Variants in NKAIN3 observed in about 807,000 individuals in gnomAD.
NKAIN3 encodes the protein sodium/potassium-transporting ATPase subunit beta-1-interacting protein 3.
NKAIN3 carries 25 observed loss-of-function variants against 30.2 expected under a neutral mutation model. The observed-to-expected ratio is 0.83, with a 90% CI of 0.60 to 1.16. NKAIN3 has a LOEUF of 1.16. Ranked by LOEUF, NKAIN3 falls within the 50% of genes most tolerant of loss-of-function variation. The pLI is 0.00. For missense variants in NKAIN3, 225 were observed against 254.1 expected (o/e 0.89, Z 0.78); for synonymous variants, 91 against 89.6 (o/e 1.02, Z -0.09).
chr8:62,275,613 T>C (rs1451426502), intron 1 of NKAIN3, among the ~76,000 whole-genome samples: 1 of 152,198 alleles, frequency 6.6e-6, no homozygotes, highest in Non-Finnish European at 1.5e-5. Context: ...TTTAAGTGTG[T>C]GAAACATAGC....
At chr8:62,751,440 TTTTA>T (rs1470474056) in intron 4 of NKAIN3, among the ~76,000 whole-genome samples, 1 of 152,222 alleles carries the variant, frequency 6.6e-6, no homozygotes, top group Non-Finnish European at 1.5e-5. Context: ...TTTTACTCTT[TTTTA>T]TTTATTTTTG....
chr8:62,689,803 G>T (rs974246035), intron 3 of NKAIN3, among the ~76,000 whole-genome samples: 1 of 151,932 alleles, frequency 6.6e-6, no homozygotes, highest in Admixed American at 6.6e-5. Flanking sequence ...CAATCATCGA[G>T]TCAGATGAGT....
At chr8:62,856,812 C>T (rs1175944238) in intron 4 of NKAIN3, 2 of 620,856 alleles carry the variant, frequency 3.2e-6, no homozygotes, top group Admixed American at 2.4e-5. Context: ...CTTTGTCTTT[C>T]TCTGCACTAT....
intron 6 of NKAIN3, among the ~76,000 whole-genome samples, chr8:62,954,845 C>T (rs1265666375): frequency 1.3e-5 from 2 of 152,180 alleles, no homozygotes; most frequent in African/African-American, 4.8e-5. Context: ...TTCTCAAAGT[C>T]CCACTATTAG....
At chr8:62,340,664 G>A (rs1815711287) in intron 1 of NKAIN3, among the ~76,000 whole-genome samples, 1 of 151,996 alleles carries the variant, frequency 6.6e-6, no homozygotes, top group Non-Finnish European at 1.5e-5. Flanking sequence ...CAGAAGCCAG[G>A]ACATCAAGGG....
intron 1 of NKAIN3, among the ~76,000 whole-genome samples, chr8:62,571,431 G>A (rs1809934619): frequency 6.6e-6 from 1 of 152,108 alleles, no homozygotes; most frequent in Admixed American, 6.6e-5. Context: ...GCTTTCGTGG[G>A]CTAATGTTGA....
intron 4 of NKAIN3, among the ~76,000 whole-genome samples, chr8:62,917,717 T>G (rs1021446880): frequency 2.0e-5 from 3 of 152,208 alleles, no homozygotes; most frequent in African/African-American, 7.2e-5. Context: ...ATTGAAGTGC[T>G]TATAGTAAGT....
At chr8:62,250,329 A>G (rs1812061579) in intron 1 of NKAIN3, among the ~76,000 whole-genome samples, 1 of 152,160 alleles carries the variant, frequency 6.6e-6, no homozygotes, top group Admixed American at 6.5e-5. Context: ...ATGCATGCAT[A>G]ATTTATGTAT....
chr8:62,788,370 CT>C (rs1326976709), intron 4 of NKAIN3, among the ~76,000 whole-genome samples: 2 of 152,106 alleles, frequency 1.3e-5, no homozygotes, highest in Non-Finnish European at 2.9e-5. Flanking sequence ...CCTTCGCCCA[CT>C]TTTTGATGGG....
rs150659330 is a variant in NKAIN3 at position 62,763,677 on chromosome 8, G to A, written c.471+16548G>A. Among the ~76,000 whole-genome samples the A allele has an allele frequency of 3.1e-3, 477 of 152,304 alleles. 1 individual carries two copies. Among genetic ancestry groups the A allele is most frequent in the Middle Eastern group, 0.02 (6 of 294 alleles). ...AGCAGGGAACTGTGTTGTAAGGCTTGGCTATCATGGATTTTGAAGTCAATG... is the reference window on the plus strand; with the variant it reads ...AGCAGGGAACTGTGTTGTAAGGCTTAGCTATCATGGATTTTGAAGTCAATG... On this transcript the variant is annotated intron_variant, in intron 4 of 6. Coordinates refer to ENST00000623646, the MANE Select transcript of NKAIN3 (RefSeq NM_001304533.3).
chr8:62,620,445 G>T (rs924480586), intron 3 of NKAIN3, among the ~76,000 whole-genome samples: 4 of 151,986 alleles, frequency 2.6e-5, no homozygotes, highest in Non-Finnish European at 2.9e-5. Flanking sequence ...CCATATTTGG[G>T]GGTAGTGTGT....
chr8:62,681,695 A>G (rs1489851031), intron 3 of NKAIN3, among the ~76,000 whole-genome samples: 1 of 152,228 alleles, frequency 6.6e-6, no homozygotes, highest in Non-Finnish European at 1.5e-5. Flanking sequence ...CTAAAGGGAA[A>G]ATCATTCTAA....
intron 3 of NKAIN3, among the ~76,000 whole-genome samples, chr8:62,592,986 C>T (rs1810704310): frequency 6.6e-6 from 1 of 151,826 alleles, no homozygotes. Context: ...ATTGACAAAT[C>T]CATTAACATA....
intron 1 of NKAIN3, among the ~76,000 whole-genome samples, chr8:62,569,206 T>C (rs1344431346): frequency 6.6e-6 from 1 of 152,184 alleles, no homozygotes; most frequent in South Asian, 2.1e-4. Flanking sequence ...TAGTGGCAAG[T>C]CTCCAGGTTA....
At chr8:62,335,432 CAAAA>C (rs5891845) in intron 1 of NKAIN3, among the ~76,000 whole-genome samples, 1 of 82,208 alleles carries the variant, frequency 1.2e-5, no homozygotes, top group Non-Finnish European at 2.5e-5. Flanking sequence ...GACTCTGTCT[CAAAA>C]AAAAAAAAAA....
intron 1 of NKAIN3, among the ~76,000 whole-genome samples, chr8:62,506,445 AT>A (rs1423653323): frequency 1.6e-5 from 2 of 123,542 alleles, no homozygotes; most frequent in Non-Finnish European, 3.5e-5. Flanking sequence ...GTGCATTTTT[AT>A]TTTTTCTGCT....
intron 3 of NKAIN3, among the ~76,000 whole-genome samples, chr8:62,705,843 G>C (rs768048053): frequency 5.3e-5 from 8 of 152,210 alleles, no homozygotes; most frequent in Non-Finnish European, 1.2e-4. Context: ...TTTTCTCCCT[G>C]CATAGTGTTT....
chr8:62,456,005 A>G (rs1198414917), intron 1 of NKAIN3, among the ~76,000 whole-genome samples: 1 of 152,248 alleles, frequency 6.6e-6, no homozygotes, highest in African/African-American at 2.4e-5. Context: ...GTGCAGATTA[A>G]GTATGCTGGA....
At chr8:62,581,018 G>A (rs939527181) in intron 2 of NKAIN3, among the ~76,000 whole-genome samples, 4 of 149,866 alleles carry the variant, frequency 2.7e-5, no homozygotes, top group Admixed American at 2.0e-4. Flanking sequence ...CAGGAGGATC[G>A]CTTGAACCCA....
Sources: gnomAD v4.1 joint callset for allele counts (sites outside exome capture counted in the v4.1 genomes callset) on GRCh38, gnomAD v4.1.1 for gene constraint, MANE v1.5 for transcripts, NCBI Gene and HGNC (gene_info 2026-07-23, HGNC 2026-07-21) for gene names.